The following BMPER variants were observed in gnomAD, a reference collection of about 807,000 sequenced individuals.
BMPER encodes the protein BMP binding endothelial regulator.
BMPER carries 45 observed loss-of-function variants against 87.3 expected under a neutral mutation model. The observed-to-expected ratio is 0.52, with a 90% CI of 0.41 to 0.66. The LOEUF is 0.66. BMPER is among the 30% of genes least tolerant of loss of function. The pLI is 0.00. For missense variants in BMPER, 784 were observed against 867.5 expected, an observed-to-expected ratio of 0.90 and a Z score of 1.21; for synonymous variants, 326 against 316.2, an observed-to-expected ratio of 1.03 and a Z score of -0.33.
chr7:33,973,290 G>T (rs190763984), intron 5 of BMPER, among the ~76,000 whole-genome samples: 1 of 152,304 alleles, frequency 6.6e-6, no homozygotes, highest in East Asian at 1.9e-4. Flanking sequence ...AAAGAGAGAC[G>T]AGTGGGCATC....
chr7:34,147,672 G>T (rs1791065833), intron 14 of BMPER, among the ~76,000 whole-genome samples: 1 of 152,136 alleles, frequency 6.6e-6, no homozygotes, highest in Non-Finnish European at 1.5e-5. Flanking sequence ...GTTTCTCCAT[G>T]TTGGTCAGGC....
chr7:34,115,681 A>G (rs746436166), intron 13 of BMPER, among the ~76,000 whole-genome samples: 1 of 152,206 alleles, frequency 6.6e-6, no homozygotes, highest in Admixed American at 6.5e-5. Flanking sequence ...AGTCCTTTTC[A>G]TGGTCAAATA....
At chr7:34,113,032 A>G (rs1469201508) in intron 13 of BMPER, among the ~76,000 whole-genome samples, 2 of 151,588 alleles carry the variant, frequency 1.3e-5, no homozygotes, top group African/African-American at 4.8e-5. Context: ...TATAAAAAAT[A>G]CAAAATATAA....
At chr7:34,121,542 C>A (rs1336101594) in intron 13 of BMPER, among the ~76,000 whole-genome samples, 1 of 152,186 alleles carries the variant, frequency 6.6e-6, no homozygotes, top group Non-Finnish European at 1.5e-5. Flanking sequence ...ACTCACTTTT[C>A]TCCTTGACCT....
rs1038950422 is a variant in BMPER at position 34,138,367 on chromosome 7, T to C, written c.1746-4863T>C. On this transcript the variant is annotated intron_variant, in intron 13 of 14. Transcript: ENST00000649409. ...AGGGTTAAAACATGCCTTCAAGGAG[T>C]CATTGAAACATGACACACAAACATC... is the stretch of plus-strand genomic sequence containing the variant. 2.0e-5 allele frequency among the ~76,000 whole-genome samples: 3 copies of C among 151,600 alleles called. No homozygotes were observed. In the East Asian group the frequency reaches 5.8e-4, roughly 29 times the overall value.
At chr7:34,095,595 G>A (rs567247607) in intron 13 of BMPER, among the ~76,000 whole-genome samples, 1 of 152,310 alleles carries the variant, frequency 6.6e-6, no homozygotes, top group Admixed American at 6.5e-5. Context: ...GAAAGATTCT[G>A]AAAGAAGACT....
intron 6 of BMPER, among the ~76,000 whole-genome samples, chr7:34,038,167 G>A (rs932216130): frequency 2.0e-5 from 3 of 152,200 alleles, no homozygotes; most frequent in Non-Finnish European, 2.9e-5. Context: ...TAAGGACCTT[G>A]CGATGGAGAG....
intron 7 of BMPER, among the ~76,000 whole-genome samples, chr7:34,047,648 T>A (rs1788010721): frequency 6.6e-6 from 1 of 152,122 alleles, no homozygotes. Flanking sequence ...CAAATAAGTA[T>A]GGTGGCTTGA....
chr7:33,930,076 T>C (rs895975628), intron 2 of BMPER, among the ~76,000 whole-genome samples: 10 of 152,350 alleles, frequency 6.6e-5, no homozygotes, highest in Admixed American at 6.5e-4. Context: ...TCCCATCTCT[T>C]GGACTAAACT....
chr7:34,061,566 A>T lies in BMPER; in HGVS notation c.1033-436A>T, dbSNP rs560145747. On this transcript the variant is annotated intron_variant, in intron 10 of 14. Transcript: ENST00000649409. Reference sequence around the variant, plus strand: ...GAGCTTGGATTACAGTTTATTGTTTAAGCTTCTCCAACAAGCAAAGACAGA... The same window carrying T: ...GAGCTTGGATTACAGTTTATTGTTTTAGCTTCTCCAACAAGCAAAGACAGA... 1.4e-4 allele frequency among the ~76,000 whole-genome samples: 22 copies of T among 152,288 alleles called. No individual in the cohort carries two copies. In the South Asian group the frequency reaches 4.6e-3, roughly 32 times the overall value.
At chr7:34,123,773 G>T (rs1790324806) in intron 13 of BMPER, among the ~76,000 whole-genome samples, 1 of 152,080 alleles carries the variant, frequency 6.6e-6, no homozygotes, top group Non-Finnish European at 1.5e-5. Context: ...TAAGAATAGG[G>T]CTGTTCTTTA....
intron 11 of BMPER, among the ~76,000 whole-genome samples, chr7:34,076,934 C>T (rs1179864804): frequency 2.0e-5 from 3 of 152,058 alleles, no homozygotes; most frequent in African/African-American, 7.2e-5. Context: ...AGCTCAAAAA[C>T]GTTGGTTGGT....
intron 6 of BMPER, among the ~76,000 whole-genome samples, chr7:34,025,266 T>C (rs958844842): frequency 3.9e-5 from 6 of 152,104 alleles, no homozygotes; most frequent in Non-Finnish European, 8.8e-5. Context: ...TTGCTTCCTT[T>C]GATTTTTAAA....
At chr7:34,138,704 A>G (rs1790787565) in intron 13 of BMPER, among the ~76,000 whole-genome samples, 1 of 152,182 alleles carries the variant, frequency 6.6e-6, no homozygotes, top group African/African-American at 2.4e-5. Context: ...CAATTCCGTT[A>G]CAATAGAAAC....
At chr7:33,990,968 A>G (rs1170848746) in intron 6 of BMPER, among the ~76,000 whole-genome samples, 2 of 131,338 alleles carry the variant, frequency 1.5e-5, no homozygotes, top group African/African-American at 5.8e-5. Context: ...GATGAAGCCC[A>G]CTTGATCATG....
At chr7:34,008,661 G>C (rs1786797584) in intron 6 of BMPER, among the ~76,000 whole-genome samples, 1 of 151,742 alleles carries the variant, frequency 6.6e-6, no homozygotes, top group African/African-American at 2.4e-5. Context: ...CTGCTGGCTA[G>C]CCCCTCAAGA....
At chr7:33,904,925 C>G (rs542270725), upstream of BMPER, 1 of 152,560 alleles carries the variant, frequency 6.6e-6, no homozygotes, top group Non-Finnish European at 1.5e-5. This position sits in a 1 kb window ranked among gnomAD's most constrained non-coding sequence, Gnocchi z 5.4. Flanking sequence ...AGTGGAGACG[C>G]GCCTTCTCGG....
At chr7:34,097,487 T>C (rs541714866) in intron 13 of BMPER, among the ~76,000 whole-genome samples, 1 of 152,344 alleles carries the variant, frequency 6.6e-6, no homozygotes, top group South Asian at 2.1e-4. Flanking sequence ...GGACTCTTCA[T>C]TTGCTCATCA....
intron 6 of BMPER, among the ~76,000 whole-genome samples, chr7:34,038,513 A>G (rs1787745029): frequency 6.6e-6 from 1 of 152,184 alleles, no homozygotes; most frequent in Admixed American, 6.5e-5. Context: ...AAGACACTCC[A>G]TTTGTAACTT....
Sources: allele counts gnomAD v4.1 joint callset (sites outside exome capture counted in the v4.1 genomes callset), GRCh38; gene constraint gnomAD v4.1.1; non-coding constraint Gnocchi (gnomAD v3.1); transcripts MANE v1.5; gene names NCBI Gene and HGNC (gene_info 2026-07-23, HGNC 2026-07-21).